The following PARD3B variants were observed in gnomAD, a reference collection of about 807,000 sequenced individuals.
The protein encoded by PARD3B is partitioning defective 3 homolog B.
In PARD3B, 103 loss-of-function variants were observed where a neutral mutation model predicts 130.2. The observed-to-expected ratio is 0.79, with a 90% CI of 0.67 to 0.93. PARD3B has a LOEUF of 0.93. PARD3B is among the 40% of genes least tolerant of loss of function. The pLI is 0.00. For synonymous variants in PARD3B, 583 were observed against 553.2 expected (o/e 1.05, Z -0.76); for missense variants, 1,609 against 1,499.2 (o/e 1.07, Z -1.21).
chr2:204,598,944 G>A (rs1425019117), intron 1 of PARD3B, among the ~76,000 whole-genome samples: 1 of 151,528 alleles, frequency 6.6e-6, no homozygotes, highest in South Asian at 2.1e-4. Flanking sequence ...TCATCAATAT[G>A]GAAGATAAAA....
intron 2 of PARD3B, among the ~76,000 whole-genome samples, chr2:204,778,455 C>A (rs779303780): frequency 6.6e-6 from 1 of 152,000 alleles, no homozygotes; most frequent in South Asian, 2.1e-4. Flanking sequence ...GGCAGTGACA[C>A]GAAAAATGCA....
chr2:205,389,887 C>T (rs189883229), intron 18 of PARD3B, among the ~76,000 whole-genome samples: 61 of 152,202 alleles, frequency 4.0e-4, no homozygotes, highest in Admixed American at 2.4e-3. Flanking sequence ...AAATTTCATT[C>T]GAGGAATAAA....
chr2:205,020,571 G>A (rs1386363088), intron 3 of PARD3B, among the ~76,000 whole-genome samples: 1 of 152,102 alleles, frequency 6.6e-6, no homozygotes, highest in Non-Finnish European at 1.5e-5. Flanking sequence ...TTAATACAAA[G>A]CAAGGGGAAG....
chr2:205,537,672 G>A (rs1476667317), intron 21 of PARD3B, among the ~76,000 whole-genome samples: 1 of 152,168 alleles, frequency 6.6e-6, no homozygotes, highest in Non-Finnish European at 1.5e-5. Flanking sequence ...CTCTCTACCT[G>A]CGCACACAAC....
At position 205,008,290 on chromosome 2, in the gene PARD3B, C is replaced by CT. The variant is rs34132187; in HGVS notation, c.395-39276dup. ...ACACTGTTTTACAGGCACAAATAAT[C>CT]TTTTTTTTTTTTTTTAATTGAAAGG... is the stretch of plus-strand genomic sequence containing the variant. On this transcript the variant is annotated intron_variant, in intron 3 of 22. Transcript: ENST00000406610. Among the ~76,000 whole-genome samples, 1,402 of 147,182 alleles carry CT rather than the reference C, an allele frequency of 9.5e-3. 15 individuals are homozygous for CT. The highest frequency in any genetic ancestry group is 0.031 in the African/African-American group (1,232 of 40,126).
rs749375431 is a variant in PARD3B at position 204,965,290 on chromosome 2, G to A, written c.361G>A (p.Glu121Lys). 1.9e-6 allele frequency: 3 copies of A among 1,613,838 alleles called. No individual in the cohort carries two copies. Among genetic ancestry groups the A allele is most frequent in the Non-Finnish European group, 2.5e-6 (3 of 1,179,878 alleles). ...QLAAFKPIGG[E>K]IEVTPSALKL... The stretch of plus-strand genomic sequence containing the variant: ...GGCCGCATTTAAGCCAATTGGTGGG[G>A]AGATTGAAGTAACCCCTTCTGCTCT... The change falls in exon 3 of 23, where the codon GAG becomes AAG. Residue 121 changes from glutamate (E) to lysine (K), a missense_variant. Glu to Lys is a moderately conservative substitution (Grantham distance 56). Coordinates refer to ENST00000406610, the MANE Select transcript of PARD3B (RefSeq NM_001302769.2).
At chr2:204,553,650 CCATATATATATATATATA>C (rs1559152283) in intron 1 of PARD3B, among the ~76,000 whole-genome samples, 3 of 26,626 alleles carry the variant, frequency 1.1e-4, no homozygotes, top group Non-Finnish European at 2.0e-4. Context: ...TTATATATAT[CCATATATATATATATATA>C]TATATATATA....
At chr2:204,763,132 C>T (rs2040982481) in intron 2 of PARD3B, among the ~76,000 whole-genome samples, 1 of 152,156 alleles carries the variant, frequency 6.6e-6, no homozygotes, top group Non-Finnish European at 1.5e-5. Context: ...AACCCTATAA[C>T]ATAGCTATAT....
chr2:205,145,779 A>G (rs532984720), intron 10 of PARD3B, among the ~76,000 whole-genome samples: 4 of 150,598 alleles, frequency 2.7e-5, no homozygotes, highest in Non-Finnish European at 4.4e-5. Context: ...TCCCTCTCAA[A>G]GACTCTGAAT....
chr2:204,869,853 T>G (rs763789388), intron 2 of PARD3B, among the ~76,000 whole-genome samples: 1 of 152,180 alleles, frequency 6.6e-6, no homozygotes, highest in Non-Finnish European at 1.5e-5. Context: ...ATGTGTCTGG[T>G]GTTTTTAATG....
At chr2:205,383,217 T>C (rs1421920533) in intron 18 of PARD3B, among the ~76,000 whole-genome samples, 2 of 152,030 alleles carry the variant, frequency 1.3e-5, no homozygotes, top group Non-Finnish European at 2.9e-5. Context: ...ACCATGAGTT[T>C]ATACTGATAC....
chr2:205,027,753 T>TAAGGG (rs1413289647), intron 3 of PARD3B, among the ~76,000 whole-genome samples: 5 of 152,302 alleles, frequency 3.3e-5, no homozygotes, highest in African/African-American at 1.2e-4. Context: ...TGAGGTAAGA[T>TAAGGG]AAGGGCCTAA....
At chr2:205,099,687 G>C (rs1702619586) in intron 4 of PARD3B, among the ~76,000 whole-genome samples, 1 of 152,130 alleles carries the variant, frequency 6.6e-6, no homozygotes, top group South Asian at 2.1e-4. Flanking sequence ...AAGTCAATTT[G>C]AAATTGGCTT....
At chr2:205,248,253 T>A (rs951457793) in intron 16 of PARD3B, among the ~76,000 whole-genome samples, 7 of 152,008 alleles carry the variant, frequency 4.6e-5, no homozygotes, top group African/African-American at 1.5e-4. Flanking sequence ...ACTCCCCCAA[T>A]TTTTTACATT....
chr2:205,474,412 A>G (rs2048956104), intron 20 of PARD3B, among the ~76,000 whole-genome samples: 1 of 152,166 alleles, frequency 6.6e-6, no homozygotes, highest in African/African-American at 2.4e-5. Flanking sequence ...TCACACACAC[A>G]TATAGTATTT....
At chr2:205,123,803 T>C (rs1392020428) in intron 8 of PARD3B, among the ~76,000 whole-genome samples, 2 of 152,148 alleles carry the variant, frequency 1.3e-5, no homozygotes, top group East Asian at 3.9e-4. Context: ...AGCATACCTT[T>C]AGACTGAGTG....
Position 205,601,258 on chromosome 2 carries a change from G to A in PARD3B, c.3261-14198G>A, listed in dbSNP as rs769366349. 3.3e-5 allele frequency among the ~76,000 whole-genome samples: 5 copies of A among 152,154 alleles called. No homozygotes were observed. In the East Asian group the frequency reaches 5.8e-4, roughly 18 times the overall value. Reference sequence around the variant, plus strand: ...TTGTATTTCTCTAACAATCAATGACGTTGACCTTTTTTCTCATATGTTTAT... The same window carrying A: ...TTGTATTTCTCTAACAATCAATGACATTGACCTTTTTTCTCATATGTTTAT... On this transcript the variant is annotated intron_variant, in intron 22 of 22. Coordinates refer to ENST00000406610, the MANE Select transcript of PARD3B (RefSeq NM_001302769.2).
At position 205,537,083 on chromosome 2, in the gene PARD3B, C is replaced by A. The variant is rs180978908; in HGVS notation, c.3181-16241C>A. On this transcript the variant is annotated intron_variant, in intron 21 of 22. Coordinates refer to ENST00000406610, the MANE Select transcript of PARD3B (RefSeq NM_001302769.2). Reference sequence around the variant, plus strand: ...TGATGAGTAGAGTTCCTTATATATTCTTTTGCCTACCTCTTAGGGATGTTA... The same window carrying A: ...TGATGAGTAGAGTTCCTTATATATTATTTTGCCTACCTCTTAGGGATGTTA... Among the ~76,000 whole-genome samples, 27 of 152,204 alleles carry A rather than the reference C, an allele frequency of 1.8e-4. 1 individual carries two copies. Among genetic ancestry groups the A allele is most frequent in the Admixed American group, 1.4e-3 (22 of 15,284 alleles).
At chr2:205,204,041 A>G (rs905594610) in intron 15 of PARD3B, among the ~76,000 whole-genome samples, 9 of 152,228 alleles carry the variant, frequency 5.9e-5, no homozygotes, top group African/African-American at 9.6e-5. Context: ...GTCTTCCACA[A>G]TGGCTGAACT....
Sources: gnomAD v4.1 joint callset for allele counts (sites outside exome capture counted in the v4.1 genomes callset) on GRCh38, gnomAD v4.1.1 for gene constraint, MANE v1.5 for transcripts, NCBI Gene and HGNC (gene_info 2026-07-23, HGNC 2026-07-21) for gene names.